TSC2: variants seen among roughly 807,000 people sequenced by gnomAD.
TSC2 encodes TSC complex subunit 2, also known as tuberin.
In TSC2, 29 loss-of-function variants were observed where a neutral mutation model predicts 202.2. The observed-to-expected ratio is 0.14, with a 90% confidence interval of 0.11 to 0.20. The LOEUF is 0.20. Among genes scored for constraint, TSC2 ranks in the 10% least tolerant of loss-of-function variants. The pLI, the probability that TSC2 is intolerant of heterozygous loss-of-function variation, is 1.00. For synonymous variants in TSC2, 1,349 were observed against 1,044.0 expected (o/e 1.29, Z -5.63); for missense variants, 2,429 against 2,420.0 (o/e 1.00, Z -0.08).
chr16:2,057,091 A>G lies in TSC2; in HGVS notation c.775-14A>G, dbSNP rs969379684. 7.7e-6 allele frequency: 12 copies of G among 1,550,982 alleles called. No homozygotes were observed. In the East Asian group the frequency reaches 2.7e-4, roughly 35 times the overall value. Reference sequence around the variant, plus strand: ...TTATGCCTGCCAGCCCCTGACACGCATTGTGTCTCGCAGCTGATGCGGAAC... The same window carrying G: ...TTATGCCTGCCAGCCCCTGACACGCGTTGTGTCTCGCAGCTGATGCGGAAC... On this transcript the variant is annotated splice_polypyrimidine_tract_variant and intron_variant, in intron 8 of 41. Coordinates refer to ENST00000219476, the MANE Select transcript of TSC2 (RefSeq NM_000548.5).
chr16:2,063,547 C>T (rs2086897894), intron 14 of TSC2: 1 of 261,696 alleles, frequency 3.8e-6, no homozygotes, highest in Non-Finnish European at 7.5e-6. Context: ...AGTCATACCC[C>T]TTTCCCAGGA....
intron 14 of TSC2, chr16:2,064,048 C>T (rs2086974964): frequency 3.3e-5 from 22 of 664,852 alleles, no homozygotes; most frequent in South Asian, 1.9e-4. Flanking sequence ...GGCCGCCCTG[C>T]GGTGCTCACC....
At position 2,081,702 on chromosome 16, in the gene TSC2, C is replaced by T. The variant is rs137854353; in HGVS notation, c.3718C>T (p.Arg1240Cys). ...ELSNALMAAERFKEHRDTALY... is the reference protein window; with the variant it reads ...ELSNALMAAECFKEHRDTALY... ...GTCTAACGCCCTCATGGCGGCTGAG[C>T]GCTTCAAGGAGCACCGGGACACAGC... The change falls in exon 31 of 42, where the codon CGC (arginine) becomes TGC (cysteine). Residue 1240 changes from arginine to cysteine, a missense_variant. Coordinates refer to ENST00000219476, the MANE Select transcript of TSC2 (RefSeq NM_000548.5). The T allele has an allele frequency of 4.3e-6, 7 of 1,612,948 alleles. No homozygotes were observed. The highest frequency in any genetic ancestry group is 1.6e-4 in the Middle Eastern group (1 of 6,062).
At chr16:2,056,002 A>AC in intron 6 of TSC2, 194 bp from the exon 7 acceptor site, 1 of 685,372 alleles carries the variant, frequency 1.5e-6, no homozygotes, top group South Asian at 1.6e-5. Flanking sequence ...GCTCTGTCTC[A>AC]CTCATGCTGA....
At chr16:2,054,013 G>C (rs1214854217) in intron 4 of TSC2, 2 of 519,896 alleles carry the variant, frequency 3.8e-6, no homozygotes, top group Non-Finnish European at 7.0e-6. Flanking sequence ...CCGAGTGCAG[G>C]GGTCGGGCAG....
chr16:2,062,679 C>T, intron 13 of TSC2, 79 bp downstream of exon 13: 1 of 1,440,474 alleles, frequency 6.9e-7, no homozygotes, highest in Non-Finnish European at 9.5e-7. Context: ...GGCTGGGTCT[C>T]AGGATGCCCG....
At chr16:2,065,498 G>GTCCTGGCC (rs1390927445) in intron 15 of TSC2, 21 bp from the exon 16 acceptor site, 1 of 1,590,222 alleles carries the variant, frequency 6.3e-7, no homozygotes, top group African/African-American at 1.3e-5. Context: ...CTGTGTGTAA[G>GTCCTGGCC]TCCTGGCCTT....
intron 33 of TSC2, 48 bp from the exon 34 acceptor site, chr16:2,084,180 T>C (rs1426901130): frequency 1.7e-5 from 26 of 1,549,940 alleles, no homozygotes; most frequent in Admixed American, 1.4e-4. Flanking sequence ...CCAGGTGGGC[T>C]CGAGGGTGCC....
At position 2,085,316 on chromosome 16, in the gene TSC2, A is replaced by G. The variant is rs878854110; in HGVS notation, c.4656A>G (p.Glu1552=). 6.2e-7 allele frequency: 1 copy of G among 1,612,660 alleles called. No individual in the cohort carries two copies. Among genetic ancestry groups the G allele is most frequent in the Admixed American group, 1.7e-5 (1 of 60,018 alleles). Residue 1552 remains glutamate (E), a synonymous_variant, in exon 36 of 42, where the codon GAA becomes GAG. Coordinates refer to ENST00000219476, the MANE Select transcript of TSC2 (RefSeq NM_000548.5). ...THKIAVLYVG[E]GQSNSELAIL... is the part of the protein sequence containing the mutation. ...AGATCGCCGTCCTGTATGTTGGAGA[A>G]GGCCAGGTGAGGCTGCGGGGCCGGC...
intron 3 of TSC2, among the ~76,000 whole-genome samples, chr16:2,052,734 G>C (rs2085286594): frequency 6.6e-6 from 1 of 152,198 alleles, no homozygotes; most frequent in African/African-American, 2.4e-5. Context: ...CCAAACCCCT[G>C]CCGAGTGAGA....
intron 16 of TSC2, among the ~76,000 whole-genome samples, chr16:2,069,293 A>G (rs1322758448): frequency 6.6e-6 from 1 of 152,022 alleles, no homozygotes; most frequent in Non-Finnish European, 1.5e-5. Flanking sequence ...TAATATTTTG[A>G]GATGAGGAGA....
chr16:2,086,181 C>T lies in TSC2; in HGVS notation c.4663-12C>T, dbSNP rs750736540. 13 of 1,611,816 alleles carry T rather than the reference C, an allele frequency of 8.1e-6. No homozygotes were observed. In the South Asian group the frequency reaches 1.2e-4, roughly 15 times the overall value. On this transcript the variant is annotated splice_polypyrimidine_tract_variant and intron_variant, in intron 36 of 41. Coordinates refer to ENST00000219476, the MANE Select transcript of TSC2 (RefSeq NM_000548.5). The stretch of plus-strand genomic sequence containing the variant: ...GGAGTGATGCCACCCTGCCTCTCCC[C>T]TCTCCCCACAGAGCAACAGCGAGCT...
rs1023997672 is a variant in TSC2 at position 2,054,171 on chromosome 16, G to C, written c.337-125G>C. ...ATGCTGCAGACCTGTCTCTTGCAGG[G>C]CGCCTCTGTGGGAAGGAGAGGGGTC... is the stretch of plus-strand genomic sequence containing the variant. On this transcript the variant is annotated intron_variant, in intron 4 of 41. Coordinates refer to ENST00000219476, the MANE Select transcript of TSC2 (RefSeq NM_000548.5). 3 of 1,463,036 alleles carry C rather than the reference G, an allele frequency of 2.1e-6. No homozygotes were observed. In the African/African-American group the frequency reaches 4.2e-5, roughly 20 times the overall value. 90.6% of individuals were successfully genotyped at this position (1,463,036 alleles called of 1,614,324 possible). A position where few individuals can be genotyped will look rare whatever the true frequency, so the allele number is the denominator to read the frequency against.
At position 2,071,864 on chromosome 16, in the gene TSC2, G is replaced by A; in HGVS notation, c.2027G>A (p.Gly676Asp). 6.8e-7 allele frequency: 1 copy of A among 1,469,028 alleles called. No individual in the cohort carries two copies. The allele number at this position is 1,469,028 out of a possible 1,614,324, so 91.0% of individuals were successfully genotyped here. The part of the protein sequence containing the change: ...PTGPPGPAPA[G>D]PAVRLGSVPY... ...GGGCCTCCTGGCCCGGCGCCTGCAG[G>A]CCCCGCCGTGCGGCTGGGGTCCGTG... The change falls in exon 19 of 42, where the codon GGC becomes GAC. Residue 676 changes from glycine to aspartate, a missense_variant. By Grantham distance (94) the Gly-to-Asp change is moderately conservative. Coordinates refer to ENST00000219476, the MANE Select transcript of TSC2 (RefSeq NM_000548.5).
At chr16:2,064,556 C>T in intron 15 of TSC2, 129 bp downstream of exon 15, 1 of 1,439,910 alleles carries the variant, frequency 6.9e-7, no homozygotes, top group African/African-American at 1.4e-5. Flanking sequence ...GCTCCCCTCC[C>T]TGCAGGGTGG....
chr16:2,086,442 C>G, intron 37 of TSC2, 63 bp downstream of exon 37: 1 of 1,578,378 alleles, frequency 6.3e-7, no homozygotes, highest in Non-Finnish European at 8.6e-7. Flanking sequence ...CCCATCCAGT[C>G]CTGCTACCCC....
Position 2,088,668 on chromosome 16 carries a change from A to T in TSC2, c.*58A>T. ...ACGGTATTGCCTGTCAGTGAAATAA[A>T]TAAAGTCCTGACCCCAGTGCACAGA... On this transcript the variant is annotated 3_prime_UTR_variant, in exon 42 of 42. Transcript: ENST00000219476. The T allele has an allele frequency of 3.2e-6, 5 of 1,552,416 alleles. No homozygotes were observed. The highest frequency in any genetic ancestry group is 4.3e-6 in the Non-Finnish European group (5 of 1,154,988).
intron 25 of TSC2, chr16:2,076,808 A>T (rs924476198): frequency 1.7e-6 from 1 of 575,612 alleles, no homozygotes. Flanking sequence ...ACGGGCACCT[A>T]CTTGTGGAAT....
chr16:2,084,084 C>A, intron 33 of TSC2, 144 bp from the exon 34 acceptor site: 1 of 1,450,796 alleles, frequency 6.9e-7, no homozygotes, highest in Non-Finnish European at 9.3e-7. Flanking sequence ...GCTGCGTCAA[C>A]GGGCGGGGGC....
Sources: allele counts gnomAD v4.1 joint callset (sites outside exome capture counted in the v4.1 genomes callset), GRCh38; gene constraint gnomAD v4.1.1; transcripts MANE v1.5; gene names NCBI Gene and HGNC (gene_info 2026-07-23, HGNC 2026-07-21).